WDHD1: variants seen among roughly 807,000 people sequenced by gnomAD.
The protein encoded by WDHD1 is WD repeat and HMG-box DNA-binding protein 1.
In WDHD1, 111 loss-of-function variants were observed where a neutral mutation model predicts 135.4. That is an observed-to-expected ratio of 0.82 (90% CI 0.70 to 0.96). The LOEUF is 0.96. WDHD1 is among the 40% of genes least tolerant of loss of function. The pLI is 0.00. For synonymous variants in WDHD1, 434 were observed against 439.0 expected (o/e 0.99, Z 0.14); for missense variants, 1,351 against 1,336.3 (o/e 1.01, Z -0.17).
intron 2 of WDHD1, among the ~76,000 whole-genome samples, chr14:55,021,783 C>T (rs917524171): frequency 1.3e-5 from 2 of 152,214 alleles, no homozygotes; most frequent in African/African-American, 4.8e-5. Context: ...TCATGATTTC[C>T]TTGACTGGCT....
At chr14:55,007,249 A>AAT in intron 7 of WDHD1, 31 bp downstream of exon 7, 2 of 1,409,996 alleles carry the variant, frequency 1.4e-6, no homozygotes, top group Non-Finnish European at 1.9e-6. Flanking sequence ...AAAAAAAAAA[A>AAT]GAAAAGAAAA....
rs535450941 is a variant in WDHD1, at chr14:54,991,272, G to C, written c.1282C>G (p.Pro428Ala). Residue 428 changes from proline to alanine, a missense_variant, in exon 12 of 26, where the codon CCC (proline) becomes GCC (alanine). Coordinates refer to ENST00000360586, the MANE Select transcript of WDHD1 (RefSeq NM_007086.4). The part of the protein sequence containing the change: ...RPFYDGPMPT[P>A]RQKPFQSGST... ...CCTGACTGAAATGGCTTTTGCCGGG[G>C]AGTTGGCATGGGTCCATCATAAAAT... 6.2e-7 allele frequency: 1 copy of C among 1,613,406 alleles called. No homozygotes were observed. Among genetic ancestry groups the C allele is most frequent in the South Asian group, 1.1e-5 (1 of 91,052 alleles).
intron 16 of WDHD1, among the ~76,000 whole-genome samples, chr14:54,980,324 A>T (rs577829344): frequency 7.0e-6 from 1 of 141,980 alleles, no homozygotes; most frequent in African/African-American, 2.7e-5. Flanking sequence ...ACTCTGTCTC[A>T]AAAAAAAAAA....
intron 2 of WDHD1, among the ~76,000 whole-genome samples, chr14:55,022,976 C>A (rs2042374869): frequency 6.6e-6 from 1 of 151,872 alleles, no homozygotes; most frequent in South Asian, 2.1e-4. Context: ...AGGTGCCTGC[C>A]ACTGTGCCTG....
intron 16 of WDHD1, among the ~76,000 whole-genome samples, chr14:54,977,515 T>C (rs1284925450): frequency 2.0e-5 from 3 of 152,146 alleles, no homozygotes; most frequent in African/African-American, 7.2e-5. Flanking sequence ...CTAGGGAACA[T>C]AGCGAGACTG....
intron 24 of WDHD1, among the ~76,000 whole-genome samples, chr14:54,947,058 G>A (rs1394364241): frequency 6.6e-6 from 1 of 151,766 alleles, no homozygotes; most frequent in Non-Finnish European, 1.5e-5. Context: ...GTGTTAGGCG[G>A]GCCAGGCATG....
chr14:55,026,647 A>G (rs751675391), intron 2 of WDHD1, 64 bp downstream of exon 2: 1 of 1,525,714 alleles, frequency 6.6e-7, no homozygotes, highest in South Asian at 1.1e-5. Context: ...GACTGCACAT[A>G]TAAAGTTTAA....
intron 10 of WDHD1, among the ~76,000 whole-genome samples, chr14:54,999,684 C>T (rs1351867696): frequency 6.6e-6 from 1 of 152,136 alleles, no homozygotes; most frequent in East Asian, 1.9e-4. Context: ...GTAGCCTCAA[C>T]CTCCTGGGCT....
intron 24 of WDHD1, among the ~76,000 whole-genome samples, chr14:54,949,611 A>G (rs2041005117): frequency 6.6e-6 from 1 of 152,220 alleles, no homozygotes; most frequent in Non-Finnish European, 1.5e-5. Flanking sequence ...TCCCCAACCT[A>G]GCAAGGCAGG....
chr14:55,005,200 G>C (rs2042044858), intron 7 of WDHD1: 1 of 540,028 alleles, frequency 1.9e-6, no homozygotes, highest in Non-Finnish European at 3.6e-6. Flanking sequence ...CCTTGCTGTT[G>C]CATGGGATGG....
intron 10 of WDHD1, 55 bp from the exon 11 acceptor site, chr14:54,995,868 A>G (rs929505988): frequency 2.9e-5 from 40 of 1,381,458 alleles, no homozygotes; most frequent in Non-Finnish European, 3.5e-5. Context: ...AGAAAAACTC[A>G]ATTACTAAAA....
chr14:54,992,125 G>C (rs930024165), intron 11 of WDHD1, among the ~76,000 whole-genome samples: 3 of 151,940 alleles, frequency 2.0e-5, no homozygotes, highest in Non-Finnish European at 4.4e-5. Flanking sequence ...AGGCATGGTG[G>C]CACATGCCTG....
In WDHD1 at chr14:55,000,594, G is replaced by A. The variant is rs375275484; in HGVS notation, c.851C>T (p.Thr284Ile). The A allele has an allele frequency of 3.2e-5, 52 of 1,604,882 alleles. No individual in the cohort carries two copies. The highest frequency in any genetic ancestry group is 1.7e-4 in the Middle Eastern group (1 of 6,026). The change falls in exon 10 of 26, where the codon ACT (threonine) becomes ATT (isoleucine). Residue 284 changes from threonine (T) to isoleucine (I), a missense_variant. Thr to Ile is a moderately conservative substitution (Grantham distance 89, BLOSUM62 -1). Transcript: ENST00000360586. ...ATCAGTATACGATATTCGACCACAA[G>A]TAGGATGCCATGCCAGACCACAAAT... ...YAICGLAWHPTCGRISYTDAE... is the reference protein window; with the variant it reads ...YAICGLAWHPICGRISYTDAE...
chr14:55,024,565 G>A (rs1469161463), intron 2 of WDHD1, among the ~76,000 whole-genome samples: 1 of 152,102 alleles, frequency 6.6e-6, no homozygotes, highest in Non-Finnish European at 1.5e-5. Flanking sequence ...GGAAAAGCAA[G>A]AGAGATCAGA....
chr14:54,962,951 C>T lies in WDHD1; in HGVS notation c.2531+1G>A, dbSNP rs778781871. On this transcript the variant is annotated splice_donor_variant, in intron 19 of 25. Coordinates refer to ENST00000360586, the MANE Select transcript of WDHD1 (RefSeq NM_007086.4). LOFTEE classifies it high-confidence loss of function. The stretch of plus-strand genomic sequence containing the variant: ...ATTCAAACAACTAAATTATTTCTTA[C>T]CCAGCATTCAGCTTTTTTCTGAAAT... The T allele has an allele frequency of 6.2e-7, 1 of 1,613,748 alleles. No individual in the cohort carries two copies. The highest frequency in any genetic ancestry group is 8.5e-7 in the Non-Finnish European group (1 of 1,179,984).
chr14:55,023,453 C>G (rs972257752), intron 2 of WDHD1, among the ~76,000 whole-genome samples: 1 of 152,220 alleles, frequency 6.6e-6, no homozygotes. Context: ...TGAGCAACCG[C>G]AACTGCAGAC....
At chr14:54,941,916 C>T (rs2040844849) in intron 25 of WDHD1, among the ~76,000 whole-genome samples, 1 of 152,090 alleles carries the variant, frequency 6.6e-6, no homozygotes, top group Non-Finnish European at 1.5e-5. Flanking sequence ...TTATATTAAT[C>T]ATATTAGTTG....
chr14:54,947,565 T>C lies in WDHD1; in HGVS notation c.3051-3095A>G, dbSNP rs141914015. 6.0e-3 allele frequency among the ~76,000 whole-genome samples: 914 copies of C among 152,260 alleles called. 10 individuals are homozygous for C. Among genetic ancestry groups the C allele is most frequent in the African/African-American group, 0.019 (779 of 41,558 alleles). ...AGCATGAGAAAAATGAGATATATTA[T>C]GGTAAAAATGAAATTGTGACTGTTC... On this transcript the variant is annotated intron_variant, in intron 24 of 25. Transcript: ENST00000360586.
intron 11 of WDHD1, among the ~76,000 whole-genome samples, chr14:54,994,880 A>G (rs2041851761): frequency 6.6e-6 from 1 of 152,180 alleles, no homozygotes; most frequent in African/African-American, 2.4e-5. Flanking sequence ...GCACAAATCT[A>G]CAGATCTATA....
Sources: allele counts gnomAD v4.1 joint callset (sites outside exome capture counted in the v4.1 genomes callset), GRCh38; gene constraint gnomAD v4.1.1; transcripts MANE v1.5; gene names NCBI Gene and HGNC (gene_info 2026-07-23, HGNC 2026-07-21).